Variants in MDGA2 observed in about 807,000 individuals in gnomAD.
The protein encoded by MDGA2 is MAM domain containing glycosylphosphatidylinositol anchor 2, also known as MAM domain-containing glycosylphosphatidylinositol anchor protein 2.
A neutral mutation model predicts 117.8 loss-of-function variants in MDGA2; 40 were observed. That is an observed-to-expected ratio of 0.34 (90% CI 0.26 to 0.44). The LOEUF is 0.44. Ranked by LOEUF, MDGA2 falls within the 20% of genes least tolerant of loss-of-function variation. The probability of loss-of-function intolerance (pLI) is 1.00; values close to 1 mark genes in which losing one functional copy is unlikely to be tolerated. For missense variants in MDGA2, 1,123 were observed against 1,250.6 expected, an observed-to-expected ratio of 0.90 and a Z score of 1.54; for synonymous variants, 452 against 439.0, an observed-to-expected ratio of 1.03 and a Z score of -0.37.
chr14:47,400,128 T>C (rs1892103507), intron 1 of MDGA2, among the ~76,000 whole-genome samples: 1 of 152,278 alleles, frequency 6.6e-6, no homozygotes, highest in Non-Finnish European at 1.5e-5. Context: ...AAAGTATATA[T>C]TTATTATGAG....
chr14:47,256,154 T>C (rs1181609232), intron 2 of MDGA2, among the ~76,000 whole-genome samples: 3 of 151,602 alleles, frequency 2.0e-5, no homozygotes, highest in African/African-American at 7.3e-5. Context: ...GGCTATTTTA[T>C]TCAAGCCCCA....
At chr14:47,368,620 A>G (rs1891281141) in intron 1 of MDGA2, among the ~76,000 whole-genome samples, 2 of 152,208 alleles carry the variant, frequency 1.3e-5, no homozygotes, top group African/African-American at 4.8e-5. Context: ...GATGTAAGAT[A>G]TATAACTCCA....
intron 10 of MDGA2, among the ~76,000 whole-genome samples, chr14:46,901,972 A>G (rs1566516036): frequency 6.6e-6 from 1 of 152,190 alleles, no homozygotes; most frequent in Non-Finnish European, 1.5e-5. Flanking sequence ...TTACTTCATA[A>G]GGTATATCCA....
At chr14:47,457,812 GTTTTT>G (rs34337535) in intron 1 of MDGA2, among the ~76,000 whole-genome samples, 4 of 143,676 alleles carry the variant, frequency 2.8e-5, no homozygotes, top group Non-Finnish European at 6.1e-5. Context: ...ATTTTTTTCT[GTTTTT>G]TTTTTTTGTT....
intron 1 of MDGA2, among the ~76,000 whole-genome samples, chr14:47,477,792 C>A (rs17118756): frequency 9.2e-5 from 14 of 152,000 alleles, no homozygotes; most frequent in African/African-American, 2.9e-4. Flanking sequence ...TAGCTTTAAT[C>A]GAGAAAAAAA....
intron 8 of MDGA2, among the ~76,000 whole-genome samples, chr14:46,967,187 G>C (rs999649576): frequency 6.6e-6 from 1 of 152,116 alleles, no homozygotes; most frequent in Non-Finnish European, 1.5e-5. Flanking sequence ...CTTCAATCAC[G>C]TACAGTTGAA....
At chr14:47,405,889 G>A (rs767792697) in intron 1 of MDGA2, among the ~76,000 whole-genome samples, 2 of 152,154 alleles carry the variant, frequency 1.3e-5, no homozygotes, top group Non-Finnish European at 2.9e-5. Context: ...AACATTGTAA[G>A]TAGCACCTGT....
intron 3 of MDGA2, among the ~76,000 whole-genome samples, chr14:47,162,453 C>A (rs1399836995): frequency 6.6e-6 from 1 of 152,088 alleles, no homozygotes; most frequent in Non-Finnish European, 1.5e-5. Context: ...TATTCTGCTG[C>A]CTTTTATCGT....
chr14:47,426,213 GCCT>G (rs1892685923), intron 1 of MDGA2, among the ~76,000 whole-genome samples: 1 of 152,034 alleles, frequency 6.6e-6, no homozygotes, highest in Non-Finnish European at 1.5e-5. Context: ...CACTAATTCT[GCCT>G]CCTAAATTTT....
chr14:47,607,733 A>G (rs561926853), intron 1 of MDGA2, among the ~76,000 whole-genome samples: 1 of 152,274 alleles, frequency 6.6e-6, no homozygotes, highest in African/African-American at 2.4e-5. Flanking sequence ...TGCATCATGT[A>G]GGCCAGAGGG....
intron 1 of MDGA2, among the ~76,000 whole-genome samples, chr14:47,450,830 G>A: frequency 6.6e-6 from 1 of 152,066 alleles, no homozygotes; most frequent in East Asian, 1.9e-4. Context: ...TTATAATAAA[G>A]GTTAATGAAT....
intron 1 of MDGA2, among the ~76,000 whole-genome samples, chr14:47,451,417 T>C (rs1893238710): frequency 6.6e-6 from 1 of 152,062 alleles, no homozygotes; most frequent in South Asian, 2.1e-4. Flanking sequence ...TATACTAAAA[T>C]GGACTCTGAG....
intron 1 of MDGA2, among the ~76,000 whole-genome samples, chr14:47,326,339 A>G (rs1370179116): frequency 1.3e-5 from 2 of 152,156 alleles, no homozygotes; most frequent in East Asian, 1.9e-4. Context: ...CAAACACTCT[A>G]TGAGATAGGT....
intron 1 of MDGA2, among the ~76,000 whole-genome samples, chr14:47,565,779 C>T (rs1020466425): frequency 6.6e-6 from 1 of 152,150 alleles, no homozygotes; most frequent in Non-Finnish European, 1.5e-5. Context: ...ACATTCATAC[C>T]CATGGCCGTG....
chr14:46,954,162 A>G (rs780379816), intron 9 of MDGA2, among the ~76,000 whole-genome samples: 3 of 151,948 alleles, frequency 2.0e-5, no homozygotes, highest in Admixed American at 6.6e-5. Flanking sequence ...TTGCAGTTGT[A>G]AGCTTATTCC....
At chr14:47,318,157 C>G (rs1052800781) in intron 1 of MDGA2, among the ~76,000 whole-genome samples, 1 of 143,922 alleles carries the variant, frequency 6.9e-6, no homozygotes, top group Admixed American at 6.9e-5. Flanking sequence ...CCAGGGAGAA[C>G]ACTAGTGATC....
At chr14:46,926,500 A>G (rs2138530929) in intron 9 of MDGA2, among the ~76,000 whole-genome samples, 1 of 152,280 alleles carries the variant, frequency 6.6e-6, no homozygotes, top group East Asian at 1.9e-4. Context: ...TTTGAGAATC[A>G]AAGTCATATA....
chr14:47,341,781 G>T (rs1370415848), intron 1 of MDGA2, among the ~76,000 whole-genome samples: 1 of 152,162 alleles, frequency 6.6e-6, no homozygotes, highest in Non-Finnish European at 1.5e-5. Context: ...CTGAAGTGGA[G>T]AAAACAGCAG....
chr14:46,913,289 A>G (rs2933188), intron 10 of MDGA2, among the ~76,000 whole-genome samples: 127,867 of 152,066 alleles, frequency 0.84, 56,190 homozygotes, highest in East Asian at 0.99. Flanking sequence ...TCAGTATGGT[A>G]TTATAAGATT....
Sources: allele counts gnomAD v4.1 joint callset (sites outside exome capture counted in the v4.1 genomes callset), GRCh38; gene constraint gnomAD v4.1.1; transcripts MANE v1.5; gene names NCBI Gene and HGNC (gene_info 2026-07-23, HGNC 2026-07-21).